The following FAM135B variants were observed in gnomAD, a reference collection of about 807,000 sequenced individuals.
FAM135B encodes protein FAM135B.
FAM135B carries 43 observed loss-of-function variants against 127.7 expected under a neutral mutation model. The ratio of observed to expected loss-of-function variants is 0.34; its 90% confidence interval spans 0.26 to 0.43. The LOEUF (loss-of-function observed/expected upper bound fraction) is 0.43. Ranked by LOEUF, FAM135B falls within the 20% of genes least tolerant of loss-of-function variation. The probability of loss-of-function intolerance (pLI) is 1.00; values close to 1 mark genes in which losing one functional copy is unlikely to be tolerated. For synonymous variants in FAM135B, 670 were observed against 665.1 expected, an observed-to-expected ratio of 1.01 and a Z score of -0.11; for missense variants, 1,558 against 1,725.6, an observed-to-expected ratio of 0.90 and a Z score of 1.72.
intron 16 of FAM135B, 37 bp downstream of exon 16, chr8:138,142,975 C>T (rs748258977): frequency 9.0e-7 from 1 of 1,106,272 alleles, no homozygotes; most frequent in Admixed American, 1.7e-5. Context: ...TGTCCCCCCT[C>T]TTCCCCCAGC....
At chr8:138,244,413 T>G (rs1230487891) in intron 6 of FAM135B, among the ~76,000 whole-genome samples, 1 of 150,174 alleles carries the variant, frequency 6.7e-6, no homozygotes, top group African/African-American at 2.5e-5. Flanking sequence ...CTGAGGCAAG[T>G]TTTTAATCTC....
At chr8:138,143,939 C>T (rs1038473250) in intron 15 of FAM135B, among the ~76,000 whole-genome samples, 1 of 152,130 alleles carries the variant, frequency 6.6e-6, no homozygotes, top group Non-Finnish European at 1.5e-5. Context: ...CTGTCACCTG[C>T]CATCCAATGA....
chr8:138,437,298 T>C (rs1232172092), intron 1 of FAM135B: 1 of 152,190 alleles, frequency 6.6e-6, no homozygotes, highest in Non-Finnish European at 1.5e-5. Context: ...CCAAAACTCA[T>C]CTTGAATTAT....
At chr8:138,177,924 C>T (rs1814630688) in intron 10 of FAM135B, among the ~76,000 whole-genome samples, 1 of 152,194 alleles carries the variant, frequency 6.6e-6, no homozygotes, top group Non-Finnish European at 1.5e-5. Flanking sequence ...GGCAGAGAAA[C>T]ACACAGAGAG....
chr8:138,445,907 ATC>A (rs1158695742), intron 1 of FAM135B, among the ~76,000 whole-genome samples: 2 of 152,224 alleles, frequency 1.3e-5, no homozygotes, highest in Non-Finnish European at 2.9e-5. Flanking sequence ...AGAAAACCCC[ATC>A]ATCTCAGCCC....
intron 9 of FAM135B, among the ~76,000 whole-genome samples, chr8:138,191,465 C>T (rs772244426): frequency 5.1e-4 from 78 of 152,250 alleles, no homozygotes; most frequent in Non-Finnish European, 9.7e-4. Flanking sequence ...TTTCTACTGT[C>T]CATCCATTCA....
intron 9 of FAM135B, among the ~76,000 whole-genome samples, chr8:138,186,816 G>A (rs12681944): frequency 0.39 from 59,903 of 152,096 alleles, 13,051 homozygotes; most frequent in African/African-American, 0.55. Flanking sequence ...GGCAGCCTGC[G>A]TCCTAACCCC....
chr8:138,325,015 AAAC>A (rs1269761906), intron 2 of FAM135B, among the ~76,000 whole-genome samples: 2 of 152,190 alleles, frequency 1.3e-5, no homozygotes, highest in Admixed American at 6.5e-5. Context: ...GTCAGGATTC[AAAC>A]AACACAGTCT....
chr8:138,197,630 C>A lies in FAM135B; in HGVS notation c.709G>T (p.Ala237Ser), dbSNP rs554108334. The A allele has an allele frequency of 2.5e-6, 4 of 1,614,162 alleles. No homozygotes were observed. The highest frequency in any genetic ancestry group is 3.4e-6 in the Non-Finnish European group (4 of 1,180,026). Reference sequence around the variant, plus strand: ...CACAGGTCTCGGTGCCACTTGTGTGCGTGCTGCATGCAGTTCTCAGAGGTG... The same window carrying A: ...CACAGGTCTCGGTGCCACTTGTGTGAGTGCTGCATGCAGTTCTCAGAGGTG... The part of the protein sequence containing the change: ...YITSENCMQH[A>S]HKWHRDLCLL... The change falls in exon 8 of 20, where the codon GCA becomes TCA. Residue 237 changes from alanine to serine, a missense_variant. Physicochemically the swap from Ala to Ser is moderately conservative, Grantham distance 99. This residue lies in a region of FAM135B where 127 missense variants were observed against 109.7 expected (regional missense o/e 1.16). Coordinates refer to ENST00000395297, the MANE Select transcript of FAM135B (RefSeq NM_015912.4).
intron 7 of FAM135B, among the ~76,000 whole-genome samples, chr8:138,219,986 T>C (rs1026073592): frequency 6.6e-6 from 1 of 151,986 alleles, no homozygotes; most frequent in Non-Finnish European, 1.5e-5. Flanking sequence ...CCAAACATAC[T>C]GATTGTTCTT....
chr8:138,364,675 C>T (rs1397839300), intron 2 of FAM135B, among the ~76,000 whole-genome samples: 1 of 152,074 alleles, frequency 6.6e-6, no homozygotes, highest in African/African-American at 2.4e-5. Flanking sequence ...TAAAACCATT[C>T]TTGAGTATAA....
At chr8:138,214,178 G>A (rs1818362958) in intron 7 of FAM135B, among the ~76,000 whole-genome samples, 1 of 152,096 alleles carries the variant, frequency 6.6e-6, no homozygotes, top group Non-Finnish European at 1.5e-5. Flanking sequence ...CAGGAAATGA[G>A]AGTCTATCTC....
At chr8:138,439,378 C>T (rs1241140182) in intron 1 of FAM135B, 1 of 152,176 alleles carries the variant, frequency 6.6e-6, no homozygotes, top group Non-Finnish European at 1.5e-5. Context: ...TTCAGACCTG[C>T]CTGATCCCAA....
At chr8:138,452,466 G>A (rs912870506) in intron 1 of FAM135B, among the ~76,000 whole-genome samples, 1 of 152,078 alleles carries the variant, frequency 6.6e-6, no homozygotes, top group African/African-American at 2.4e-5. Context: ...TACAGATAAA[G>A]AGTAGGATTG....
At chr8:138,291,237 T>C (rs572161988) in intron 3 of FAM135B, among the ~76,000 whole-genome samples, 7 of 152,270 alleles carry the variant, frequency 4.6e-5, no homozygotes, top group African/African-American at 7.2e-5. Flanking sequence ...TAGTGAAAGA[T>C]TGGAACCTCA....
intron 1 of FAM135B, among the ~76,000 whole-genome samples, chr8:138,407,129 C>A (rs973493126): frequency 2.7e-5 from 4 of 150,910 alleles, no homozygotes; most frequent in Non-Finnish European, 5.9e-5. Flanking sequence ...AAACAGAGAG[C>A]CAAATCATGA....
chr8:138,148,424 A>T, intron 14 of FAM135B, 96 bp downstream of exon 14: 1 of 1,002,446 alleles, frequency 1.0e-6, no homozygotes, highest in South Asian at 1.6e-5. Context: ...CTAATTGAAC[A>T]TTCTGTTGAA....
At chr8:138,433,738 T>A (rs1336982718) in intron 1 of FAM135B, among the ~76,000 whole-genome samples, 1 of 152,266 alleles carries the variant, frequency 6.6e-6, no homozygotes, top group South Asian at 2.1e-4. Context: ...AGCCACATAG[T>A]TGACTTCTGA....
At chr8:138,138,457 G>A (rs1044991825) in intron 18 of FAM135B, among the ~76,000 whole-genome samples, 5 of 152,208 alleles carry the variant, frequency 3.3e-5, no homozygotes, top group African/African-American at 1.2e-4. Context: ...GGACCACTCG[G>A]CAATGATCAC....
Sources: gnomAD v4.1 joint callset for allele counts (sites outside exome capture counted in the v4.1 genomes callset) on GRCh38, gnomAD v4.1.1 for gene constraint, gnomAD v4.1.1 regional missense constraint, MANE v1.5 for transcripts, NCBI Gene and HGNC (gene_info 2026-07-23, HGNC 2026-07-21) for gene names.